TRAPPC9: variants seen among roughly 807,000 people sequenced by gnomAD.
TRAPPC9 encodes trafficking protein particle complex subunit 9.
TRAPPC9 carries 83 observed loss-of-function variants against 124.0 expected under a neutral mutation model. The ratio of observed to expected loss-of-function variants is 0.67; its 90% CI spans 0.56 to 0.80. TRAPPC9 has a LOEUF of 0.80. Among genes scored for constraint, TRAPPC9 ranks in the 30% least tolerant of loss-of-function variants. TRAPPC9 has a pLI of 0.00. For synonymous variants in TRAPPC9, 638 were observed against 617.5 expected, an observed-to-expected ratio of 1.03 and a Z score of -0.49; for missense variants, 1,302 against 1,508.3, an observed-to-expected ratio of 0.86 and a Z score of 2.27.
intron 6 of TRAPPC9, among the ~76,000 whole-genome samples, chr8:140,404,749 T>C (rs987907874): frequency 5.3e-5 from 8 of 151,490 alleles, no homozygotes; most frequent in African/African-American, 1.9e-4. Context: ...CGCGTGAGCA[T>C]GTGTGTACGT....
intron 21 of TRAPPC9, among the ~76,000 whole-genome samples, chr8:139,856,843 A>G (rs2130957474): frequency 6.6e-6 from 1 of 152,056 alleles, no homozygotes; most frequent in East Asian, 1.9e-4. Flanking sequence ...TCAAACATTC[A>G]TCTACCCACC....
chr8:140,318,345 T>C (rs1418720042), intron 9 of TRAPPC9, among the ~76,000 whole-genome samples: 5 of 152,230 alleles, frequency 3.3e-5, no homozygotes, highest in African/African-American at 1.2e-4. Context: ...AACATGTCCA[T>C]CACCTGAAAT....
intron 21 of TRAPPC9, among the ~76,000 whole-genome samples, chr8:139,796,238 T>C (rs976215864): frequency 1.3e-5 from 2 of 152,146 alleles, no homozygotes; most frequent in Admixed American, 1.3e-4. Context: ...TTCACAAACA[T>C]ATTCATATAA....
chr8:140,268,055 C>A (rs2064744037), intron 15 of TRAPPC9, among the ~76,000 whole-genome samples: 3 of 151,966 alleles, frequency 2.0e-5, no homozygotes, highest in African/African-American at 7.3e-5. Flanking sequence ...GGGGGTTTTT[C>A]ATCTCGTGTG....
chr8:140,260,675 A>G (rs1485218237), intron 15 of TRAPPC9, among the ~76,000 whole-genome samples: 1 of 152,238 alleles, frequency 6.6e-6, no homozygotes, highest in Non-Finnish European at 1.5e-5. Context: ...ATTAAGTCCT[A>G]TCTTCTGACT....
intron 19 of TRAPPC9, among the ~76,000 whole-genome samples, chr8:139,919,330 T>G (rs1832359616): frequency 6.6e-6 from 1 of 152,230 alleles, no homozygotes; most frequent in Non-Finnish European, 1.5e-5. Flanking sequence ...AGAATTGATT[T>G]GAACCACTTG....
intron 17 of TRAPPC9, among the ~76,000 whole-genome samples, chr8:140,054,516 C>G (rs928157831): frequency 6.6e-6 from 1 of 152,016 alleles, no homozygotes; most frequent in Admixed American, 6.5e-5. Context: ...GAGAAAAAAA[C>G]AAACTATGCC....
At chr8:139,979,588 C>G (rs1836742194) in intron 19 of TRAPPC9, among the ~76,000 whole-genome samples, 1 of 152,028 alleles carries the variant, frequency 6.6e-6, no homozygotes, top group Non-Finnish European at 1.5e-5. Context: ...ACAGGCACCC[C>G]TCTTTAGTAA....
intron 18 of TRAPPC9, among the ~76,000 whole-genome samples, chr8:140,018,111 G>A (rs768751953): frequency 6.6e-6 from 1 of 152,062 alleles, no homozygotes; most frequent in South Asian, 2.1e-4. Context: ...TCGAAGTGCT[G>A]GGATTATAGG....
At chr8:139,908,961 T>G (rs1168449614) in intron 20 of TRAPPC9, among the ~76,000 whole-genome samples, 1 of 152,226 alleles carries the variant, frequency 6.6e-6, no homozygotes, top group African/African-American at 2.4e-5. Flanking sequence ...TCATGTCTGG[T>G]TCACAAAACC....
At chr8:140,389,222 G>T (rs943429677) in intron 7 of TRAPPC9, among the ~76,000 whole-genome samples, 1 of 152,138 alleles carries the variant, frequency 6.6e-6, no homozygotes, top group African/African-American at 2.4e-5. Flanking sequence ...CTCCCAAAGT[G>T]CTGGGACTAC....
At chr8:140,096,021 A>G (rs1324844097) in intron 17 of TRAPPC9, 1 of 152,172 alleles carries the variant, frequency 6.6e-6, no homozygotes, top group Admixed American at 6.5e-5. Context: ...TTGGCTCTGT[A>G]TCAAGAGTAT....
rs995688501 is a variant in TRAPPC9, at chr8:139,981,296, G to A, written c.2810+7430C>T. Reference sequence around the variant, plus strand: ...TGCCACGGGCTCACTAACTGACCTCGGGTCTCCATCTCCCCGCATCAGCTG... The same window carrying A: ...TGCCACGGGCTCACTAACTGACCTCAGGTCTCCATCTCCCCGCATCAGCTG... On this transcript the variant is annotated intron_variant, in intron 19 of 22. Coordinates refer to ENST00000438773, the MANE Select transcript of TRAPPC9 (RefSeq NM_001160372.4). Among the ~76,000 whole-genome samples the A allele has an allele frequency of 2.1e-4, 32 of 152,152 alleles. 1 individual carries two copies. Among genetic ancestry groups the A allele is most frequent in the Non-Finnish European group, 4.4e-5 (3 of 68,028 alleles).
intron 17 of TRAPPC9, among the ~76,000 whole-genome samples, chr8:140,210,918 GC>G (rs2063047115): frequency 6.6e-6 from 1 of 152,166 alleles, no homozygotes; most frequent in Non-Finnish European, 1.5e-5. Context: ...CAGCCATTCT[GC>G]TGCTCCCCAG....
At chr8:140,329,935 C>T (rs933955221) in intron 9 of TRAPPC9, among the ~76,000 whole-genome samples, 1 of 151,850 alleles carries the variant, frequency 6.6e-6, no homozygotes, top group Non-Finnish European at 1.5e-5. Context: ...CAAAAATTAC[C>T]CAGGTGCTGG....
intron 17 of TRAPPC9, among the ~76,000 whole-genome samples, chr8:140,178,730 G>A (rs2062129578): frequency 6.6e-6 from 1 of 152,030 alleles, no homozygotes; most frequent in Non-Finnish European, 1.5e-5. Context: ...AAATTTACCA[G>A]TGAAATTCTG....
rs2064155872 is a variant in TRAPPC9, at chr8:140,252,627, T to C, written c.2431+150A>G. 1.2e-6 allele frequency: 1 copy of C among 821,350 alleles called. No homozygotes were observed. The highest frequency in any genetic ancestry group is 2.0e-6 in the Non-Finnish European group (1 of 497,490). The allele number at this position is 821,350 out of a possible 1,614,324, so 50.9% of individuals were successfully genotyped here. ...CAGACACATACAGTAACACACTCTG[T>C]TAACAAAGTGCCCAGGAGATGTCTC... is the stretch of plus-strand genomic sequence containing the variant. On this transcript the variant is annotated intron_variant, in intron 16 of 22. Transcript: ENST00000438773. The surrounding 1 kb of genome is among the most constrained non-coding windows in gnomAD (Gnocchi z 4.2).
At chr8:140,254,592 G>A (rs1024084717) in intron 15 of TRAPPC9, among the ~76,000 whole-genome samples, 3 of 152,182 alleles carry the variant, frequency 2.0e-5, no homozygotes, top group South Asian at 2.1e-4. Flanking sequence ...CATGAGCACG[G>A]GGCCCTCCTC....
At chr8:140,089,633 T>C (rs1844432696) in intron 17 of TRAPPC9, among the ~76,000 whole-genome samples, 1 of 152,100 alleles carries the variant, frequency 6.6e-6, no homozygotes, top group South Asian at 2.1e-4. Flanking sequence ...TTCCTGCCTG[T>C]CTCCCCAAGA....
Sources: allele counts gnomAD v4.1 joint callset (sites outside exome capture counted in the v4.1 genomes callset), GRCh38; gene constraint gnomAD v4.1.1; non-coding constraint Gnocchi (gnomAD v3.1); transcripts MANE v1.5; gene names NCBI Gene and HGNC (gene_info 2026-07-23, HGNC 2026-07-21).